PPP6R2: variants seen among roughly 807,000 people sequenced by gnomAD.
The protein encoded by PPP6R2 is protein phosphatase 6 regulatory subunit 2, also known as serine/threonine-protein phosphatase 6 regulatory subunit 2.
In PPP6R2, 62 loss-of-function variants were observed where a neutral mutation model predicts 100.2. That is an observed-to-expected ratio of 0.62 (90% CI 0.50 to 0.76). The LOEUF is 0.76. Ranked by LOEUF, PPP6R2 falls within the 30% of genes least tolerant of loss-of-function variation. PPP6R2 has a pLI of 0.00. For synonymous variants in PPP6R2, 525 were observed against 514.7 expected (o/e 1.02, Z -0.27); for missense variants, 1,142 against 1,276.3 (o/e 0.89, Z 1.60).
At chr22:50,377,580 G>A (rs2051883480) in intron 2 of PPP6R2, among the ~76,000 whole-genome samples, 1 of 152,156 alleles carries the variant, frequency 6.6e-6, no homozygotes, top group African/African-American at 2.4e-5. Flanking sequence ...GGAAACATAG[G>A]CCAGAACATG....
intron 13 of PPP6R2, 60 bp from the exon 14 acceptor site, chr22:50,436,307 G>T: frequency 1.4e-6 from 2 of 1,478,368 alleles, no homozygotes; most frequent in Non-Finnish European, 1.8e-6. Flanking sequence ...GAGCCCCCGG[G>T]TGCCCTGCAC....
chr22:50,331,705 C>T, the PPP6R2 span, among the ~76,000 whole-genome samples: 3 of 152,176 alleles, frequency 2.0e-5, no homozygotes, highest in Non-Finnish European at 4.4e-5. Flanking sequence ...TCACTGCAAC[C>T]TCTGCCTCCC....
At chr22:50,382,998 T>C (rs2053461440) in intron 2 of PPP6R2, among the ~76,000 whole-genome samples, 1 of 152,104 alleles carries the variant, frequency 6.6e-6, no homozygotes, top group African/African-American at 2.4e-5. Context: ...CCATCACGCC[T>C]GGCTAATTTT....
intron 2 of PPP6R2, among the ~76,000 whole-genome samples, chr22:50,385,483 C>A (rs1185936406): frequency 6.7e-6 from 1 of 149,868 alleles, no homozygotes; most frequent in African/African-American, 2.5e-5. Context: ...ACAGCATGAG[C>A]CACCACCCCC....
intron 13 of PPP6R2, 41 bp from the exon 14 acceptor site, chr22:50,436,307 GTGCCCTGCACCATCTGCAC>G: frequency 6.8e-7 from 1 of 1,478,368 alleles, no homozygotes; most frequent in East Asian, 2.5e-5. Context: ...GAGCCCCCGG[GTGCCCTGCACCATCTGCAC>G]GGGGTCTCCC....
At position 50,431,723 on chromosome 22, in the gene PPP6R2, G is replaced by A. The variant is rs1009393034; in HGVS notation, c.1335+341G>A. ...GCAGTGTCAGTGATGGGAGCCACAC[G>A]GTGGGGAGGGGATGCTGAGGGACAT... is the stretch of plus-strand genomic sequence containing the variant. On this transcript the variant is annotated intron_variant, in intron 11 of 23. Coordinates refer to ENST00000612753, the MANE Select transcript of PPP6R2 (RefSeq NM_001242898.2). This position sits in a 1 kb window ranked among gnomAD's most constrained non-coding sequence, Gnocchi z 4.8. Among the ~76,000 whole-genome samples, 16 of 152,262 alleles carry A rather than the reference G, an allele frequency of 1.1e-4. No homozygotes were observed. Among genetic ancestry groups the A allele is most frequent in the East Asian group, 3.9e-4 (2 of 5,172 alleles).
intron 1 of PPP6R2, among the ~76,000 whole-genome samples, chr22:50,356,347 G>T (rs931348147): frequency 7.0e-6 from 1 of 143,750 alleles, no homozygotes; most frequent in Admixed American, 7.2e-5. Context: ...CTGTCATCTC[G>T]GCTGGAATGC....
chr22:50,393,328 C>T (rs1171048933), intron 2 of PPP6R2: 5 of 937,002 alleles, frequency 5.3e-6, no homozygotes, highest in Non-Finnish European at 6.4e-6. Flanking sequence ...GAGGAGTGAG[C>T]GCAGGGTCAG....
At chr22:50,421,264 C>T (rs571647384) in intron 8 of PPP6R2, among the ~76,000 whole-genome samples, 2 of 152,346 alleles carry the variant, frequency 1.3e-5, no homozygotes, top group South Asian at 4.1e-4. Context: ...CCAAGCTTAA[C>T]CCTGTATGTG....
rs1252622414 is a variant in PPP6R2, at chr22:50,444,430, G to C, written c.*183G>C. 4 of 758,248 alleles carry C rather than the reference G, an allele frequency of 5.3e-6. No individual in the cohort carries two copies. Among genetic ancestry groups the C allele is most frequent in the Non-Finnish European group, 8.3e-6 (4 of 483,940 alleles). The allele number at this position is 758,248 out of a possible 1,614,324, so 47.0% of individuals were successfully genotyped here. A position where few individuals can be genotyped will look rare whatever the true frequency, so the allele number is the denominator to read the frequency against. On this transcript the variant is annotated 3_prime_UTR_variant, in exon 24 of 24. Transcript: ENST00000612753. ...GCTTGCGTCTCTTCTGCCTGAGTGG[G>C]CCTCTCAGGTCACTCGTGCCCTGCT... is the stretch of plus-strand genomic sequence containing the variant.
At chr22:50,359,891 C>T (rs1051751623) in intron 1 of PPP6R2, among the ~76,000 whole-genome samples, 15 of 152,146 alleles carry the variant, frequency 9.9e-5, no homozygotes, top group East Asian at 3.9e-4. Context: ...GATTTCTATC[C>T]GGGATTATTT....
chr22:50,444,186 C>T lies in PPP6R2; in HGVS notation c.2832-13C>T. The T allele has an allele frequency of 6.2e-7, 1 of 1,612,806 alleles. No homozygotes were observed. Among genetic ancestry groups the T allele is most frequent in the Non-Finnish European group, 8.5e-7 (1 of 1,179,652 alleles). ...GCAGCCCGCACGGTTCCAACCCCAC[C>T]CCATTCCTGCAGGAAGACAGATGCC... On this transcript the variant is annotated splice_polypyrimidine_tract_variant and intron_variant, in intron 23 of 23. Transcript: ENST00000612753.
chr22:50,341,317 C>G (rs1238830985), upstream of PPP6R2, among the ~76,000 whole-genome samples: 1 of 152,038 alleles, frequency 6.6e-6, no homozygotes, highest in Non-Finnish European at 1.5e-5. Context: ...GCAATCCTCC[C>G]GCCTCAGTCG....
chr22:50,337,771 GGT>G, the PPP6R2 span, among the ~76,000 whole-genome samples: 7 of 142,056 alleles, frequency 4.9e-5, no homozygotes, highest in East Asian at 2.1e-4. Flanking sequence ...CGATGTGTAT[GGT>G]GTGTGTGTGG....
chr22:50,341,758 G>T (rs2042411097), upstream of PPP6R2, among the ~76,000 whole-genome samples: 2 of 152,092 alleles, frequency 1.3e-5, no homozygotes, highest in South Asian at 4.2e-4. Flanking sequence ...ACTCTGGGAG[G>T]CCGAGGCGGG....
chr22:50,406,191 C>A (rs925849070), intron 3 of PPP6R2, among the ~76,000 whole-genome samples: 4 of 131,470 alleles, frequency 3.0e-5, no homozygotes, highest in Non-Finnish European at 4.7e-5. Context: ...AGGTGAGAGG[C>A]CTGGAGAGAG....
chr22:50,442,197 C>T (rs1483292460), intron 22 of PPP6R2, among the ~76,000 whole-genome samples: 2 of 152,208 alleles, frequency 1.3e-5, no homozygotes, highest in East Asian at 3.8e-4. Context: ...ACAGGTGGGG[C>T]AGGCCTGACA....
Position 50,420,736 on chromosome 22 carries a change from A to C in PPP6R2, c.845+1274A>C, listed in dbSNP as rs887829553. Among the ~76,000 whole-genome samples, 3 of 152,204 alleles carry C rather than the reference A, an allele frequency of 2.0e-5. No homozygotes were observed. In the East Asian group the frequency reaches 5.8e-4, roughly 29 times the overall value. On this transcript the variant is annotated intron_variant, in intron 8 of 23. Transcript: ENST00000612753. ...GGTGTGGTTGGCCCGCCAGGTGCCCAGGAGATCCTATAGGGTGTGTCCCAA... is the reference window on the plus strand; with the variant it reads ...GGTGTGGTTGGCCCGCCAGGTGCCCCGGAGATCCTATAGGGTGTGTCCCAA...
In PPP6R2 at chr22:50,443,847, G is replaced by A. The variant is rs1287620701; in HGVS notation, c.2580-19G>A. ...GAGGGTGGGGGTGCCCGTAACCGGAGTCCATGTTTGCCACACAGGGTCGGG... is the reference window on the plus strand; with the variant it reads ...GAGGGTGGGGGTGCCCGTAACCGGAATCCATGTTTGCCACACAGGGTCGGG... On this transcript the variant is annotated intron_variant, in intron 22 of 23. Coordinates refer to ENST00000612753, the MANE Select transcript of PPP6R2 (RefSeq NM_001242898.2). The A allele has an allele frequency of 3.8e-6, 6 of 1,560,312 alleles. No homozygotes were observed. Among genetic ancestry groups the A allele is most frequent in the Non-Finnish European group, 5.2e-6 (6 of 1,148,298 alleles).
Sources: allele counts gnomAD v4.1 joint callset (sites outside exome capture counted in the v4.1 genomes callset), GRCh38; gene constraint gnomAD v4.1.1; non-coding constraint Gnocchi (gnomAD v3.1); transcripts MANE v1.5; gene names NCBI Gene and HGNC (gene_info 2026-07-23, HGNC 2026-07-21).